TRPM3: variants seen among roughly 807,000 people sequenced by gnomAD.
TRPM3 encodes transient receptor potential cation channel subfamily M member 3, also known as long transient receptor potential channel 3.
A neutral mutation model predicts 181.2 loss-of-function variants in TRPM3; 77 were observed. The observed-to-expected ratio is 0.42, with a 90% CI of 0.35 to 0.51. The LOEUF (loss-of-function observed/expected upper bound fraction) is 0.51, where lower values mean the gene tolerates loss of function less well. Ranked by LOEUF, TRPM3 falls within the 20% of genes least tolerant of loss-of-function variation. TRPM3 has a pLI of 0.01. For missense variants in TRPM3, 1,759 were observed against 2,196.7 expected (o/e 0.80, Z 3.98); for synonymous variants, 745 against 796.4 (o/e 0.94, Z 1.09).
intron 1 of TRPM3, among the ~76,000 whole-genome samples, chr9:71,132,732 G>A (rs774823698): frequency 1.9e-4 from 29 of 151,928 alleles, no homozygotes; most frequent in Non-Finnish European, 3.2e-4. Context: ...ATCAATAACT[G>A]TTGATGTAAT....
intron 1 of TRPM3, among the ~76,000 whole-genome samples, chr9:71,117,306 C>G (rs187347716): frequency 6.6e-5 from 10 of 152,248 alleles, no homozygotes; most frequent in South Asian, 6.2e-4. Flanking sequence ...CTCCCTCCCC[C>G]CTAGTTTCAA....
chr9:71,222,080 G>A (rs1438167515), intron 1 of TRPM3, among the ~76,000 whole-genome samples: 3 of 152,136 alleles, frequency 2.0e-5, no homozygotes, highest in Non-Finnish European at 4.4e-5. Flanking sequence ...CCTCCCACAG[G>A]TTTTGCCTTT....
At chr9:70,840,861 G>T (rs773637432) in intron 5 of TRPM3, among the ~76,000 whole-genome samples, 1 of 151,738 alleles carries the variant, frequency 6.6e-6, no homozygotes, top group Non-Finnish European at 1.5e-5. Flanking sequence ...ACTCTATCTT[G>T]CATAAATAAA....
chr9:71,237,067 G>A (rs1270286838), intron 1 of TRPM3, among the ~76,000 whole-genome samples: 4 of 140,466 alleles, frequency 2.8e-5, no homozygotes, highest in Admixed American at 7.1e-5. Flanking sequence ...AAAAGGGGGG[G>A]GGAAAAAAAG....
chr9:70,943,145 C>G (rs2096901582), intron 1 of TRPM3, among the ~76,000 whole-genome samples: 1 of 152,100 alleles, frequency 6.6e-6, no homozygotes, highest in African/African-American at 2.4e-5. Flanking sequence ...ATGCCCACAT[C>G]TAGGGGTTAT....
intron 1 of TRPM3, among the ~76,000 whole-genome samples, chr9:71,317,088 G>GTCAA (rs2088673114): frequency 6.6e-6 from 1 of 152,092 alleles, no homozygotes; most frequent in Admixed American, 6.6e-5. Context: ...TTCATAAGAT[G>GTCAA]TCAAGGATGT....
intron 1 of TRPM3, among the ~76,000 whole-genome samples, chr9:71,292,250 G>A (rs1050795186): frequency 6.6e-6 from 1 of 151,950 alleles, no homozygotes; most frequent in African/African-American, 2.4e-5. Flanking sequence ...GGCTAAAGTA[G>A]GCTGAGGAGT....
At chr9:70,935,276 A>C (rs1392460187) in intron 1 of TRPM3, among the ~76,000 whole-genome samples, 2 of 152,092 alleles carry the variant, frequency 1.3e-5, no homozygotes, top group African/African-American at 2.4e-5. Context: ...TGAGTCTGCC[A>C]GTCAGTTTGT....
intron 1 of TRPM3, among the ~76,000 whole-genome samples, chr9:70,981,748 G>A (rs2097365915): frequency 6.6e-6 from 1 of 152,172 alleles, no homozygotes. Context: ...CTATTATCAT[G>A]CAAGGATGAT....
chr9:71,423,771 C>A lies in TRPM3; in HGVS notation c.183+22882G>T, dbSNP rs184730058. Among the ~76,000 whole-genome samples the A allele has an allele frequency of 8.6e-4, 131 of 152,164 alleles. 3 individuals are homozygous for A. The East Asian group carries it at 0.022, about 26-fold the overall frequency. ...GAAAGCAGAACATAAATTTACAAACCTTTCCCTTCTCCCTTCTCTACCAGG... is the reference window on the plus strand; with the variant it reads ...GAAAGCAGAACATAAATTTACAAACATTTCCCTTCTCCCTTCTCTACCAGG... On this transcript the variant is annotated intron_variant, in intron 1 of 24. Coordinates refer to the TRPM3 transcript ENST00000357533.
rs563451339 is a variant in TRPM3 at position 70,573,818 on chromosome 9, A to G, written c.3223+17213T>C. On this transcript the variant is annotated intron_variant, in intron 22 of 25. Transcript: ENST00000677713. ...CAGTGAAGAACTGGGCTCAGGTCCT[A>G]ACAGCCAGCACTTTAGGGCAAACAG... Among the ~76,000 whole-genome samples, 5 of 152,248 alleles carry G rather than the reference A, an allele frequency of 3.3e-5. No homozygotes were observed. In the South Asian group the frequency reaches 1.0e-3, roughly 32 times the overall value.
chr9:71,195,929 G>C (rs998743513), intron 1 of TRPM3, among the ~76,000 whole-genome samples: 1 of 151,980 alleles, frequency 6.6e-6, no homozygotes, highest in African/African-American at 2.4e-5. Flanking sequence ...GACCCAAAGA[G>C]GGGAACAACA....
At chr9:71,300,776 G>T (rs2086696691) in intron 1 of TRPM3, among the ~76,000 whole-genome samples, 1 of 152,012 alleles carries the variant, frequency 6.6e-6, no homozygotes, top group Non-Finnish European at 1.5e-5. Context: ...TATTTCAAAT[G>T]TGATTTTAAA....
chr9:71,330,657 C>G, intron 1 of TRPM3, among the ~76,000 whole-genome samples: 1 of 151,790 alleles, frequency 6.6e-6, no homozygotes. Context: ...ATATTAAAAA[C>G]TTAGCATTTA....
intron 1 of TRPM3, among the ~76,000 whole-genome samples, chr9:71,416,265 T>A (rs2093636100): frequency 6.6e-6 from 1 of 151,894 alleles, no homozygotes; most frequent in East Asian, 1.9e-4. Context: ...ATGTTTTTCC[T>A]TACAAATTTT....
intron 22 of TRPM3, among the ~76,000 whole-genome samples, chr9:70,565,133 G>C (rs2050209835): frequency 6.6e-6 from 1 of 152,230 alleles, no homozygotes; most frequent in Non-Finnish European, 1.5e-5. Flanking sequence ...GTGTCCAAAT[G>C]TATGCTGCAT....
chr9:71,283,777 A>C (rs1473856475), intron 1 of TRPM3, among the ~76,000 whole-genome samples: 2 of 152,210 alleles, frequency 1.3e-5, no homozygotes, highest in East Asian at 3.8e-4. Context: ...ACCCAGCTCT[A>C]TTCTTACATT....
intron 1 of TRPM3, among the ~76,000 whole-genome samples, chr9:71,189,341 G>C (rs1211655268): frequency 1.3e-5 from 2 of 151,750 alleles, no homozygotes; most frequent in South Asian, 2.1e-4. Flanking sequence ...GCTTGTCCTT[G>C]AACAGCATAT....
intron 1 of TRPM3, among the ~76,000 whole-genome samples, chr9:71,251,083 C>T (rs2082316963): frequency 6.6e-6 from 1 of 152,042 alleles, no homozygotes; most frequent in South Asian, 2.1e-4. Context: ...TATTCTTGTA[C>T]TTTTAGAGAA....
Sources: allele counts gnomAD v4.1 joint callset (sites outside exome capture counted in the v4.1 genomes callset), GRCh38; gene constraint gnomAD v4.1.1; transcripts MANE v1.5; gene names NCBI Gene and HGNC (gene_info 2026-07-23, HGNC 2026-07-21).